GRIP1: variants seen among roughly 807,000 people sequenced by gnomAD.
GRIP1 encodes the protein glutamate receptor interacting protein 1, also known as glutamate receptor-interacting protein 1.
A neutral mutation model predicts 129.9 loss-of-function variants in GRIP1; 45 were observed. That is an observed-to-expected ratio of 0.35 (90% CI 0.27 to 0.44). GRIP1 has a LOEUF of 0.44. Among genes scored for constraint, GRIP1 ranks in the 20% least tolerant of loss-of-function variants. GRIP1 has a pLI of 1.00. For missense variants in GRIP1, 1,196 were observed against 1,396.8 expected, an observed-to-expected ratio of 0.86 and a Z score of 2.29; for synonymous variants, 530 against 520.8, an observed-to-expected ratio of 1.02 and a Z score of -0.24.
intron 1 of GRIP1, among the ~76,000 whole-genome samples, chr12:66,852,932 C>T (rs1001235468): frequency 6.6e-6 from 1 of 151,884 alleles, no homozygotes; most frequent in African/African-American, 2.4e-5. Flanking sequence ...AGAATAGACT[C>T]ACATTCTAAC....
At chr12:66,442,814 T>C (rs2058506777) in intron 13 of GRIP1, among the ~76,000 whole-genome samples, 1 of 152,216 alleles carries the variant, frequency 6.6e-6, no homozygotes, top group South Asian at 2.1e-4. Flanking sequence ...GGGTTATAGG[T>C]GTAAGCCACC....
At chr12:66,698,101 G>A (rs1479630846) in intron 1 of GRIP1, among the ~76,000 whole-genome samples, 2 of 152,086 alleles carry the variant, frequency 1.3e-5, no homozygotes, top group African/African-American at 4.8e-5. Flanking sequence ...TCAGAGATTA[G>A]GAGCTTGAAA....
At chr12:66,637,574 G>GTT (rs34630743) in intron 1 of GRIP1, among the ~76,000 whole-genome samples, 56 of 150,910 alleles carry the variant, frequency 3.7e-4, no homozygotes, top group South Asian at 6.3e-4. Flanking sequence ...ATTTTTGTAT[G>GTT]TTTTTTTTTA....
chr12:66,813,709 A>G (rs2870914), intron 1 of GRIP1, among the ~76,000 whole-genome samples: 24,204 of 152,122 alleles, frequency 0.16, 2,232 homozygotes, highest in South Asian at 0.27. Context: ...TGTGCCAGGG[A>G]CAGGAAGGTG....
chr12:66,377,113 T>C (rs761069399), intron 21 of GRIP1, 52 bp from the exon 22 acceptor site: 55 of 1,578,080 alleles, frequency 3.5e-5, no homozygotes, highest in South Asian at 2.4e-4. Flanking sequence ...AATGCAAACT[T>C]AAAAGGACCA....
intron 1 of GRIP1, among the ~76,000 whole-genome samples, chr12:66,791,349 G>C (rs1390975352): frequency 1.3e-5 from 2 of 152,194 alleles, no homozygotes; most frequent in Non-Finnish European, 2.9e-5. Flanking sequence ...TGCGATTTGG[G>C]AATAATTGCT....
At chr12:66,909,550 T>G (rs1418669025) in intron 1 of GRIP1, among the ~76,000 whole-genome samples, 6 of 152,242 alleles carry the variant, frequency 3.9e-5, no homozygotes, top group Non-Finnish European at 8.8e-5. Flanking sequence ...TCCCTGACCT[T>G]GCTGCCTTCA....
At chr12:66,535,102 C>T (rs941300507) in intron 4 of GRIP1, among the ~76,000 whole-genome samples, 7 of 152,290 alleles carry the variant, frequency 4.6e-5, no homozygotes, top group Non-Finnish European at 8.8e-5. Context: ...ACCTGGCTAG[C>T]ATGACCTCCT....
chr12:67,030,459 T>C (rs2043006279), intron 1 of GRIP1, among the ~76,000 whole-genome samples: 1 of 152,118 alleles, frequency 6.6e-6, no homozygotes, highest in African/African-American at 2.4e-5. Context: ...ACAAGAAAGA[T>C]CAAAAATAGC....
chr12:66,645,504 T>A (rs891395017), intron 1 of GRIP1, among the ~76,000 whole-genome samples: 1 of 152,212 alleles, frequency 6.6e-6, no homozygotes, highest in African/African-American at 2.4e-5. Flanking sequence ...AGAATTTAAG[T>A]GACTTTGTAA....
intron 24 of GRIP1, among the ~76,000 whole-genome samples, chr12:66,349,833 T>A (rs200755788): frequency 1.6e-4 from 24 of 152,118 alleles, no homozygotes; most frequent in Non-Finnish European, 2.4e-4. Context: ...AAAATTTTTT[T>A]AAAAAAATGA....
intron 2 of GRIP1, among the ~76,000 whole-genome samples, chr12:66,565,469 T>C (rs2062717013): frequency 6.6e-6 from 1 of 152,190 alleles, no homozygotes; most frequent in African/African-American, 2.4e-5. Flanking sequence ...CTCTGTTCTG[T>C]TCCATTGGTC....
In GRIP1 at chr12:66,452,730, T is replaced by C. The variant is rs188881168; in HGVS notation, c.1354+2679A>G. 3.3e-5 allele frequency among the ~76,000 whole-genome samples: 5 copies of C among 152,180 alleles called. No individual in the cohort carries two copies. In the East Asian group the frequency reaches 9.7e-4, roughly 29 times the overall value. ...CAGGATAAAGACATAAATAAAGCAG[T>C]GGAAATAAACCATGGTATACTAAGA... On this transcript the variant is annotated intron_variant, in intron 11 of 24. Transcript: ENST00000359742.
At chr12:66,496,341 C>A (rs1048004470) in intron 7 of GRIP1, among the ~76,000 whole-genome samples, 32 of 152,144 alleles carry the variant, frequency 2.1e-4, no homozygotes, top group Non-Finnish European at 4.4e-4. Flanking sequence ...ACCCACAGAA[C>A]ACCCAGCTTT....
At position 66,855,826 on chromosome 12, in the gene GRIP1, T is replaced by C. The variant is rs554680293; in HGVS notation, c.58+213224A>G. Among the ~76,000 whole-genome samples, 47 of 152,184 alleles carry C rather than the reference T, an allele frequency of 3.1e-4. 1 individual carries two copies. In the Middle Eastern group the frequency reaches 0.01, roughly 33 times the overall value. ...TGGGGAACACTAATCCCATAAGATA[T>C]TCTTTTATTGTTCCTATAAGTTTGT... is the stretch of plus-strand genomic sequence containing the variant. On this transcript the variant is annotated intron_variant, in intron 1 of 1. Coordinates refer to the GRIP1 transcript ENST00000643019.
chr12:66,691,976 A>AT (rs1020099665), intron 1 of GRIP1, among the ~76,000 whole-genome samples: 12 of 152,230 alleles, frequency 7.9e-5, no homozygotes, highest in African/African-American at 1.2e-4. Flanking sequence ...TTTTTAAAAA[A>AT]TAAAAGGTAT....
intron 1 of GRIP1, among the ~76,000 whole-genome samples, chr12:66,981,507 G>T (rs2042242426): frequency 6.6e-6 from 1 of 152,096 alleles, no homozygotes; most frequent in South Asian, 2.1e-4. Flanking sequence ...GAATTCTAAA[G>T]ATAGATTATT....
At chr12:66,807,675 C>T (rs920869545), upstream of GRIP1, among the ~76,000 whole-genome samples, 9 of 151,862 alleles carry the variant, frequency 5.9e-5, no homozygotes, top group African/African-American at 2.2e-4. Context: ...AAGTGTGGCA[C>T]CTTCCCCCTC....
At chr12:66,734,167 C>T (rs926075750) in intron 1 of GRIP1, among the ~76,000 whole-genome samples, 3 of 152,110 alleles carry the variant, frequency 2.0e-5, no homozygotes, top group Non-Finnish European at 4.4e-5. Flanking sequence ...CAGCAGCATC[C>T]TTAAAGTGCT....
Sources: allele counts gnomAD v4.1 joint callset (sites outside exome capture counted in the v4.1 genomes callset), GRCh38; gene constraint gnomAD v4.1.1; transcripts MANE v1.5; gene names NCBI Gene and HGNC (gene_info 2026-07-23, HGNC 2026-07-21).